The following EHD4 variants were observed in gnomAD, a reference collection of about 807,000 sequenced individuals.
EHD4 encodes EH domain containing 4.
In EHD4, 37 loss-of-function variants were observed where a neutral mutation model predicts 51.0. That is an observed-to-expected ratio of 0.73 (90% CI 0.56 to 0.95). The LOEUF (loss-of-function observed/expected upper bound fraction) is 0.95, where lower values mean the gene tolerates loss of function less well. Among genes scored for constraint, EHD4 ranks in the 40% least tolerant of loss-of-function variants. EHD4 has a pLI of 0.00. For synonymous variants in EHD4, 297 were observed against 317.3 expected (o/e 0.94, Z 0.68); for missense variants, 632 against 733.1 (o/e 0.86, Z 1.59).
chr15:41,904,275 TA>T (rs1221218172), intron 5 of EHD4, among the ~76,000 whole-genome samples: 1 of 152,080 alleles, frequency 6.6e-6, no homozygotes. Flanking sequence ...AGTGGCCGCA[TA>T]TTTGCAGGGG....
At chr15:41,937,145 C>T (rs746108461) in intron 3 of EHD4, among the ~76,000 whole-genome samples, 6 of 152,346 alleles carry the variant, frequency 3.9e-5, no homozygotes, top group Middle Eastern at 3.4e-3. Flanking sequence ...TTCTCCACCA[C>T]GTCCTCCCAT....
chr15:41,944,835 A>G (rs1566824539), intron 2 of EHD4, among the ~76,000 whole-genome samples: 2 of 152,168 alleles, frequency 1.3e-5, no homozygotes, highest in African/African-American at 2.4e-5. Context: ...TAAAGGGTCA[A>G]GTTAGTGGAA....
rs182107534 is a variant in EHD4, at chr15:41,946,868, A to G, written c.414-3704T>C. ...TAGAAGAACCAGACAGTACCTTAAT[A>G]CTGATTTTGATTTCTCAACAAAACA... is the stretch of plus-strand genomic sequence containing the variant. On this transcript the variant is annotated intron_variant, in intron 2 of 5. Transcript: ENST00000220325. Among the ~76,000 whole-genome samples the G allele has an allele frequency of 8.9e-4, 135 of 152,328 alleles. 2 individuals carry two copies. Among genetic ancestry groups the G allele is most frequent in the Middle Eastern group, 3.4e-3 (1 of 294 alleles).
At position 41,899,778 on chromosome 15, in the gene EHD4, T is replaced by C. The variant is rs933525449; in HGVS notation, c.*867A>G. The C allele has an allele frequency of 1.8e-4, 27 of 152,204 alleles. No homozygotes were observed. The highest frequency in any genetic ancestry group is 6.5e-4 in the African/African-American group (27 of 41,434). 9.4% of individuals were successfully genotyped at this position (152,204 alleles called of 1,614,324 possible). On this transcript the variant is annotated 3_prime_UTR_variant, in exon 6 of 6. Transcript: ENST00000220325. ...AGAGAACCACCTCTTTTCTTTACTG[T>C]AGTTTAAGTATGATAAGTGGGCTTT...
rs1466827929 is a variant in EHD4, at chr15:41,898,263, T to A, written c.*2382A>T. 2 of 152,196 alleles carry A rather than the reference T, an allele frequency of 1.3e-5. No homozygotes were observed. The highest frequency in any genetic ancestry group is 4.8e-5 in the African/African-American group (2 of 41,432). 9.4% of individuals were successfully genotyped at this position (152,196 alleles called of 1,614,324 possible). On this transcript the variant is annotated 3_prime_UTR_variant, in exon 6 of 6. Transcript: ENST00000220325. ...GGGAGATCACAGTGCCTGAGAGGTT[T>A]TCCTCCACGGAGAAATCAGAGACCT...
At chr15:41,936,174 G>T (rs1181649612) in intron 3 of EHD4, among the ~76,000 whole-genome samples, 1 of 152,224 alleles carries the variant, frequency 6.6e-6, no homozygotes, top group Non-Finnish European at 1.5e-5. Context: ...CTGATCAAAA[G>T]TGAGTCAGAA....
At chr15:41,952,393 C>T (rs75573641) in intron 2 of EHD4, among the ~76,000 whole-genome samples, 2,191 of 152,054 alleles carry the variant, frequency 0.014, 45 homozygotes, top group African/African-American at 0.05. Flanking sequence ...ATCAGCCACA[C>T]GAAAGCTAGA....
intron 3 of EHD4, among the ~76,000 whole-genome samples, chr15:41,919,975 C>A (rs2067614171): frequency 6.6e-6 from 1 of 152,168 alleles, no homozygotes; most frequent in African/African-American, 2.4e-5. Context: ...TATAAAAACA[C>A]AGGCCATGGG....
At chr15:41,958,435 C>T (rs1425065142) in intron 1 of EHD4, among the ~76,000 whole-genome samples, 11 of 152,110 alleles carry the variant, frequency 7.2e-5, no homozygotes, top group Admixed American at 4.6e-4. Context: ...TGGGGTACCC[C>T]GGTTGCCAGC....
chr15:41,901,226 A>C (rs1395184585), intron 5 of EHD4, 45 bp from the exon 6 acceptor site: 2 of 1,501,578 alleles, frequency 1.3e-6, no homozygotes, highest in African/African-American at 2.8e-5. Flanking sequence ...TGGTCTCTTC[A>C]GGGGGAAACA....
At chr15:41,941,582 G>GTTTTT (rs55852618) in intron 3 of EHD4, 2 of 141,990 alleles carry the variant, frequency 1.4e-5, no homozygotes. Flanking sequence ...GTTTTTTGGT[G>GTTTTT]TTTTTTTTTT....
chr15:41,951,769 A>T (rs992593850), intron 2 of EHD4, among the ~76,000 whole-genome samples: 4 of 152,148 alleles, frequency 2.6e-5, no homozygotes, highest in African/African-American at 9.7e-5. Flanking sequence ...GTCCTGAGAG[A>T]TCTGGAGAGT....
chr15:41,958,627 G>A (rs1261981915), intron 1 of EHD4, among the ~76,000 whole-genome samples: 1 of 152,000 alleles, frequency 6.6e-6, no homozygotes, highest in African/African-American at 2.4e-5. Flanking sequence ...ATATGTCCAA[G>A]CACCATCTTC....
intron 4 of EHD4, among the ~76,000 whole-genome samples, chr15:41,914,268 G>T (rs540009573): frequency 5.9e-5 from 9 of 152,296 alleles, no homozygotes; most frequent in Non-Finnish European, 1.2e-4. Context: ...CAAACTTAAC[G>T]CAACCTGCTG....
intron 5 of EHD4, among the ~76,000 whole-genome samples, chr15:41,907,325 C>T (rs890997353): frequency 5.3e-5 from 8 of 152,216 alleles, no homozygotes; most frequent in Admixed American, 5.2e-4. Flanking sequence ...AAGGAAACAG[C>T]TGTCTTACTC....
rs919566936 is a variant in EHD4 at position 41,931,983 on chromosome 15, C to CT, written c.511+11083dup. On this transcript the variant is annotated intron_variant, in intron 3 of 5. Transcript: ENST00000220325. Reference sequence around the variant, plus strand: ...AGCCGCCGCGCCCAGCCAGCAATTTCTTTTTTTTTTTAAGCTCCTCCCTTT... The same window carrying CT: ...AGCCGCCGCGCCCAGCCAGCAATTTCTTTTTTTTTTTTAAGCTCCTCCCTTT... 1.5e-3 allele frequency among the ~76,000 whole-genome samples: 219 copies of CT among 147,668 alleles called. 1 individual carries two copies. The highest frequency in any genetic ancestry group is 4.6e-3 in the African/African-American group (186 of 40,364).
rs192427661 is a variant in EHD4 at position 41,954,741 on chromosome 15, A to C, written c.237-801T>G. ...CTGCCTCGACCTCCTGGGCTCCAACAATCCTCCTGCCTCAGCCTCCCAAGT... is the reference window on the plus strand; with the variant it reads ...CTGCCTCGACCTCCTGGGCTCCAACCATCCTCCTGCCTCAGCCTCCCAAGT... On this transcript the variant is annotated intron_variant, in intron 1 of 5. Coordinates refer to ENST00000220325, the MANE Select transcript of EHD4 (RefSeq NM_139265.4). 7.7e-4 allele frequency among the ~76,000 whole-genome samples: 117 copies of C among 152,068 alleles called. 1 individual carries two copies. Among genetic ancestry groups the C allele is most frequent in the African/African-American group, 2.8e-3 (115 of 41,500 alleles).
intron 4 of EHD4, among the ~76,000 whole-genome samples, chr15:41,918,334 A>G (rs937181172): frequency 6.6e-6 from 1 of 152,194 alleles, no homozygotes; most frequent in African/African-American, 2.4e-5. Flanking sequence ...CTGGGAATGT[A>G]TGTTGCTTCT....
chr15:41,951,491 A>G (rs896747743), intron 2 of EHD4, among the ~76,000 whole-genome samples: 12 of 151,684 alleles, frequency 7.9e-5, no homozygotes, highest in African/African-American at 2.9e-4. Context: ...TTTTGTTAGG[A>G]AAGTAAATCA....
Sources: allele counts gnomAD v4.1 joint callset (sites outside exome capture counted in the v4.1 genomes callset), GRCh38; gene constraint gnomAD v4.1.1; transcripts MANE v1.5; gene names NCBI Gene and HGNC (gene_info 2026-07-23, HGNC 2026-07-21).